PLA2G4A: variants seen among roughly 807,000 people sequenced by gnomAD.
The protein encoded by PLA2G4A is phospholipase A2 group IVA.
In PLA2G4A, 40 loss-of-function variants were observed where a neutral mutation model predicts 81.9. That is an observed-to-expected ratio of 0.49 (90% CI 0.38 to 0.64). The LOEUF (loss-of-function observed/expected upper bound fraction) is 0.64. Among genes scored for constraint, PLA2G4A ranks in the 30% least tolerant of loss-of-function variants. The probability of loss-of-function intolerance (pLI) is 0.00; values close to 1 mark genes in which losing one functional copy is unlikely to be tolerated. For synonymous variants in PLA2G4A, 302 were observed against 296.9 expected, an observed-to-expected ratio of 1.02 and a Z score of -0.18; for missense variants, 715 against 905.1, an observed-to-expected ratio of 0.79 and a Z score of 2.69.
In PLA2G4A at chr1:186,932,810, G is replaced by A. The variant is rs776899569; in HGVS notation, c.606G>A (p.Met202Ile). The A allele has an allele frequency of 6.2e-7, 1 of 1,613,288 alleles. No individual in the cohort carries two copies. Among genetic ancestry groups the A allele is most frequent in the African/African-American group, 1.3e-5 (1 of 74,876 alleles). ...GTTCAGGTGGGGGTTTCCGAGCCAT[G>A]GTGGGATTCTCTGGTGTGATGAAGG... ...ILGSGGGFRAMVGFSGVMKAL... is the reference protein window; with the variant it reads ...ILGSGGGFRAIVGFSGVMKAL... Residue 202 changes from methionine to isoleucine, a missense_variant, in exon 8 of 18, where the codon ATG becomes ATA. Coordinates refer to ENST00000367466, the MANE Select transcript of PLA2G4A (RefSeq NM_024420.3).
At chr1:186,982,312 AC>A (rs1471261410) in intron 17 of PLA2G4A, among the ~76,000 whole-genome samples, 1 of 152,216 alleles carries the variant, frequency 6.6e-6, no homozygotes, top group East Asian at 1.9e-4. Flanking sequence ...TAAATCTCTT[AC>A]ATGTGACTTT....
chr1:186,842,328 C>A (rs1356944537), intron 1 of PLA2G4A, among the ~76,000 whole-genome samples: 2 of 152,138 alleles, frequency 1.3e-5, no homozygotes, highest in Non-Finnish European at 2.9e-5. Context: ...CAGGTGTGAG[C>A]CACTGCGCCC....
At chr1:186,912,829 A>G (rs2102159416) in intron 7 of PLA2G4A, among the ~76,000 whole-genome samples, 1 of 144,564 alleles carries the variant, frequency 6.9e-6, no homozygotes, top group East Asian at 2.0e-4. Flanking sequence ...TGTATCTAAT[A>G]TAAGTGTATG....
At chr1:186,932,688 A>G in intron 7 of PLA2G4A, 75 bp from the exon 8 acceptor site, 1 of 1,404,186 alleles carries the variant, frequency 7.1e-7, no homozygotes, top group East Asian at 2.3e-5. Flanking sequence ...TGTATAACAT[A>G]AAGATTGAGA....
intron 15 of PLA2G4A, among the ~76,000 whole-genome samples, chr1:186,974,767 T>C (rs574716354): frequency 2.6e-5 from 4 of 152,330 alleles, no homozygotes; most frequent in Admixed American, 2.0e-4. Context: ...TATTGCACTT[T>C]ACTCATAGTC....
At chr1:186,850,222 A>G (rs1460776229) in intron 1 of PLA2G4A, among the ~76,000 whole-genome samples, 1 of 152,126 alleles carries the variant, frequency 6.6e-6, no homozygotes, top group Non-Finnish European at 1.5e-5. Flanking sequence ...TTGTCTGTGT[A>G]TATATTTATG....
At chr1:186,880,668 A>G (rs898837028) in intron 3 of PLA2G4A, among the ~76,000 whole-genome samples, 4 of 152,066 alleles carry the variant, frequency 2.6e-5, no homozygotes, top group Non-Finnish European at 5.9e-5. Context: ...TGGAATTCAT[A>G]TATATTTAAA....
At chr1:186,833,305 G>A (rs891769549) in intron 1 of PLA2G4A, among the ~76,000 whole-genome samples, 7 of 152,122 alleles carry the variant, frequency 4.6e-5, no homozygotes, top group Admixed American at 4.6e-4. Flanking sequence ...TGAGGCAGGG[G>A]GATCATTTGA....
chr1:186,840,459 G>A (rs972788839), intron 1 of PLA2G4A, among the ~76,000 whole-genome samples: 4 of 152,102 alleles, frequency 2.6e-5, no homozygotes, highest in Admixed American at 2.6e-4. Context: ...CCCAGTTCAG[G>A]AACTGTAGAA....
At chr1:186,874,623 A>G (rs1653403721) in intron 3 of PLA2G4A, among the ~76,000 whole-genome samples, 1 of 152,088 alleles carries the variant, frequency 6.6e-6, no homozygotes, top group Non-Finnish European at 1.5e-5. Context: ...TCTTTACAGA[A>G]TTAGCATCAT....
intron 16 of PLA2G4A, 82 bp from the exon 17 acceptor site, chr1:186,979,233 G>A: frequency 9.7e-7 from 1 of 1,027,104 alleles, no homozygotes; most frequent in Non-Finnish European, 1.5e-6. Context: ...CTGTCTTTAT[G>A]TCTGTATGTT....
chr1:186,936,304 G>C (rs1377263909), intron 8 of PLA2G4A, among the ~76,000 whole-genome samples: 3 of 151,866 alleles, frequency 2.0e-5, no homozygotes, highest in Non-Finnish European at 4.4e-5. Flanking sequence ...TGTCACATAA[G>C]GTGTGACAGG....
chr1:186,852,283 G>A (rs1652402275), intron 1 of PLA2G4A, among the ~76,000 whole-genome samples: 1 of 151,886 alleles, frequency 6.6e-6, no homozygotes, highest in Admixed American at 6.6e-5. Flanking sequence ...GAAAGCAGCG[G>A]TTTTGCCAAT....
At chr1:186,854,579 T>G (rs770147779) in intron 2 of PLA2G4A, among the ~76,000 whole-genome samples, 192 bp downstream of exon 2, 13 of 151,872 alleles carry the variant, frequency 8.6e-5, no homozygotes, top group Non-Finnish European at 1.3e-4. Context: ...TTTATTACTG[T>G]AAGTTTCCAG....
Position 186,926,893 on chromosome 1 carries a change from C to T in PLA2G4A, c.559-5870C>T, listed in dbSNP as rs186257390. On this transcript the variant is annotated intron_variant, in intron 7 of 17. Transcript: ENST00000367466. ...ATACATATTCTTGGGTGCTGCCATTCTGTGGCATAACACTCGTGGTCAATA... is the reference window on the plus strand; with the variant it reads ...ATACATATTCTTGGGTGCTGCCATTTTGTGGCATAACACTCGTGGTCAATA... Among the ~76,000 whole-genome samples the T allele has an allele frequency of 1.5e-3, 230 of 152,256 alleles. 2 individuals are homozygous for T. The highest frequency in any genetic ancestry group is 1.9e-3 in the South Asian group (9 of 4,820).
chr1:186,983,824 G>A (rs1222818352), intron 17 of PLA2G4A, among the ~76,000 whole-genome samples: 1 of 152,096 alleles, frequency 6.6e-6, no homozygotes, highest in East Asian at 1.9e-4. Flanking sequence ...TTGCTCTGCG[G>A]CCTCTTGGCT....
At chr1:186,965,769 T>C (rs990427793) in intron 15 of PLA2G4A, among the ~76,000 whole-genome samples, 176 bp downstream of exon 15, 4 of 152,280 alleles carry the variant, frequency 2.6e-5, no homozygotes, top group Admixed American at 1.3e-4. Flanking sequence ...AAAGACACTT[T>C]TAAATAATTC....
chr1:186,940,652 G>A (rs1176657215), intron 10 of PLA2G4A, among the ~76,000 whole-genome samples: 1 of 152,124 alleles, frequency 6.6e-6, no homozygotes, highest in African/African-American at 2.4e-5. Context: ...TAAATGCTAG[G>A]TAAATAGTTG....
intron 14 of PLA2G4A, 129 bp from the exon 15 acceptor site, chr1:186,965,280 C>G (rs913755262): frequency 2.8e-6 from 2 of 713,420 alleles, no homozygotes; most frequent in Admixed American, 2.2e-5. Flanking sequence ...ATGCCCAGCT[C>G]TATTTGTCTC....
Sources: allele counts gnomAD v4.1 joint callset (sites outside exome capture counted in the v4.1 genomes callset), GRCh38; gene constraint gnomAD v4.1.1; transcripts MANE v1.5; gene names NCBI Gene and HGNC (gene_info 2026-07-23, HGNC 2026-07-21).